Variants in WDR33 observed in about 807,000 individuals in gnomAD.
WDR33 encodes the protein pre-mRNA 3' end processing protein WDR33.
A neutral mutation model predicts 164.9 loss-of-function variants in WDR33; 47 were observed. The ratio of observed to expected loss-of-function variants is 0.29; its 90% CI spans 0.23 to 0.36. The LOEUF is 0.36. Ranked by LOEUF, WDR33 falls within the 10% of genes least tolerant of loss-of-function variation. The probability of loss-of-function intolerance (pLI) is 1.00; values close to 1 mark genes in which losing one functional copy is unlikely to be tolerated. For missense variants in WDR33, 1,137 were observed against 1,754.1 expected, an observed-to-expected ratio of 0.65 and a Z score of 6.28; for synonymous variants, 505 against 589.0, an observed-to-expected ratio of 0.86 and a Z score of 2.06.
At position 127,768,917 on chromosome 2, in the gene WDR33, C is replaced by T; in HGVS notation, c.273+16G>A. On this transcript the variant is annotated intron_variant, in intron 3 of 21. Transcript: ENST00000322313. ...GGAAGTGTTTATTAAGCTAGTATGA[C>T]ACATCATGTACTTACATCATTGTAA... 3 of 1,586,860 alleles carry T rather than the reference C, an allele frequency of 1.9e-6. No individual in the cohort carries two copies. Among genetic ancestry groups the T allele is most frequent in the Non-Finnish European group, 2.6e-6 (3 of 1,163,484 alleles).
chr2:127,767,247 C>T (rs1036033448), intron 4 of WDR33, among the ~76,000 whole-genome samples: 10 of 152,132 alleles, frequency 6.6e-5, no homozygotes, highest in African/African-American at 2.4e-4. Context: ...TTCTCGGTCT[C>T]ATTTTTTTTC....
rs923538544 is a variant in WDR33, at chr2:127,735,045, G to A, written c.725-8268C>T. On this transcript the variant is annotated intron_variant, in intron 7 of 21. Transcript: ENST00000322313. The surrounding 1 kb of genome is among the most constrained non-coding windows in gnomAD (Gnocchi z 4.3). The stretch of plus-strand genomic sequence containing the variant: ...TAAATGGATTAGGTATTAGATATTT[G>A]GTGAACAGACATTCTAGACTTGCTT... Among the ~76,000 whole-genome samples, 4 of 152,152 alleles carry A rather than the reference G, an allele frequency of 2.6e-5. No individual in the cohort carries two copies. Among genetic ancestry groups the A allele is most frequent in the Non-Finnish European group, 5.9e-5 (4 of 68,022 alleles).
At position 127,724,813 on chromosome 2, in the gene WDR33, A is replaced by G. The variant is rs1208936017; in HGVS notation, c.1085+74T>C. ...TATATGAACACTTAGAAAAGCTACA[A>G]AACTATCATGTCTGCACACATTCAC... On this transcript the variant is annotated intron_variant, in intron 10 of 21. Transcript: ENST00000322313. This position sits in a 1 kb window ranked among gnomAD's most constrained non-coding sequence, Gnocchi z 4.8. The G allele has an allele frequency of 3.9e-6, 6 of 1,519,488 alleles. No homozygotes were observed. The highest frequency in any genetic ancestry group is 4.5e-5 in the East Asian group (2 of 44,436). The allele number at this position is 1,519,488 out of a possible 1,614,324, so 94.1% of individuals were successfully genotyped here. A position where few individuals can be genotyped will look rare whatever the true frequency, so the allele number is the denominator to read the frequency against.
chr2:127,792,827 TAGG>T (rs1193983978), intron 1 of WDR33, among the ~76,000 whole-genome samples: 2 of 152,160 alleles, frequency 1.3e-5, no homozygotes, highest in African/African-American at 4.8e-5. Context: ...TCTGTTATCT[TAGG>T]AGAAAATATA....
intron 7 of WDR33, among the ~76,000 whole-genome samples, chr2:127,730,240 A>G (rs1405698181): frequency 6.6e-6 from 1 of 152,258 alleles, no homozygotes; most frequent in Non-Finnish European, 1.5e-5. Flanking sequence ...ATATATCATT[A>G]AAAGAATGTT....
At chr2:127,788,240 A>G (rs1272412087) in intron 1 of WDR33, among the ~76,000 whole-genome samples, 6,658 of 39,084 alleles carry the variant, frequency 0.17, no homozygotes, top group East Asian at 0.23. Flanking sequence ...CTGGCCAGGC[A>G]GGGGGCTGAC....
intron 7 of WDR33, among the ~76,000 whole-genome samples, chr2:127,756,847 C>G (rs1687535461): frequency 6.6e-6 from 1 of 152,022 alleles, no homozygotes; most frequent in African/African-American, 2.4e-5. Context: ...TTTGGGAGGC[C>G]AAGTTGGGCA....
rs112896201 is a variant in WDR33 at position 127,724,512 on chromosome 2, A to T, written c.1086-69T>A. The T allele has an allele frequency of 7.3e-7, 1 of 1,364,448 alleles. No homozygotes were observed. The highest frequency in any genetic ancestry group is 1.4e-5 in the African/African-American group (1 of 69,264). 84.5% of individuals were successfully genotyped at this position (1,364,448 alleles called of 1,614,324 possible). A position where few individuals can be genotyped will look rare whatever the true frequency, so the allele number is the denominator to read the frequency against. On this transcript the variant is annotated intron_variant, in intron 10 of 21. Coordinates refer to ENST00000322313, the MANE Select transcript of WDR33 (RefSeq NM_018383.5). The surrounding 1 kb of genome is among the most constrained non-coding windows in gnomAD (Gnocchi z 4.8). ...CCAGCTTCTCCCTCCCCCTCAAAAA[A>T]GACATTTTCTGTTACTCTTAAAATG...
chr2:127,772,479 T>G (rs1045818868), intron 1 of WDR33, among the ~76,000 whole-genome samples: 23 of 152,142 alleles, frequency 1.5e-4, no homozygotes, highest in Non-Finnish European at 3.1e-4. Flanking sequence ...TAAAACTAAT[T>G]ATTTTCATGT....
chr2:127,789,661 C>T (rs923824325), intron 1 of WDR33, among the ~76,000 whole-genome samples: 1 of 151,800 alleles, frequency 6.6e-6, no homozygotes, highest in Non-Finnish European at 1.5e-5. Flanking sequence ...GCTTCGGCTC[C>T]GCATCTTCCT....
Position 127,723,578 on chromosome 2 carries a change from G to A in WDR33, c.1197-231C>T, listed in dbSNP as rs991729891. Among the ~76,000 whole-genome samples the A allele has an allele frequency of 4.0e-4, 60 of 151,374 alleles. No individual in the cohort carries two copies. Among genetic ancestry groups the A allele is most frequent in the African/African-American group, 1.4e-3 (57 of 41,144 alleles). ...CCAAGACCAGCCTGGGCAACATAGC[G>A]AAACCCTGTCTCTACAAAATAAAAA... On this transcript the variant is annotated intron_variant, in intron 11 of 21. Transcript: ENST00000322313. The surrounding 1 kb of genome is among the most constrained non-coding windows in gnomAD (Gnocchi z 5.9).
At chr2:127,783,014 C>T (rs1023284327) in intron 1 of WDR33, among the ~76,000 whole-genome samples, 3 of 151,904 alleles carry the variant, frequency 2.0e-5, no homozygotes, top group African/African-American at 7.3e-5. Flanking sequence ...GTCTCAAAAA[C>T]TAATAATAAT....
intron 4 of WDR33, 108 bp from the exon 5 acceptor site, chr2:127,765,377 C>T: frequency 1.3e-6 from 1 of 755,230 alleles, no homozygotes; most frequent in East Asian, 2.7e-5. Flanking sequence ...AATAATGATA[C>T]TGACTTTCAC....
Position 127,719,758 on chromosome 2 carries a change from T to G in WDR33, c.2267A>C (p.His756Pro), listed in dbSNP as rs1411476645. ...AGACCCTGGTCCGCCTTGGATCCCA[T>G]GAGGATGAGGAGGCCCTTGCATTCC... ...PRGMQGPPHP[H>P]GIQGGPGSQG... Residue 756 changes from histidine (H) to proline (P), a missense_variant, in exon 16 of 22, where the codon CAT (histidine) becomes CCT (proline). His to Pro is a moderately conservative substitution (Grantham distance 77). Coordinates refer to ENST00000322313, the MANE Select transcript of WDR33 (RefSeq NM_018383.5). This position sits in a 1 kb window ranked among gnomAD's most constrained non-coding sequence, Gnocchi z 6.5. The G allele has an allele frequency of 6.2e-7, 1 of 1,613,888 alleles. No homozygotes were observed. The highest frequency in any genetic ancestry group is 8.5e-7 in the Non-Finnish European group (1 of 1,179,994).
intron 4 of WDR33, among the ~76,000 whole-genome samples, chr2:127,767,467 A>G (rs561987664): frequency 5.3e-5 from 8 of 152,240 alleles, no homozygotes; most frequent in African/African-American, 1.9e-4. Context: ...TAATCCCAGC[A>G]CTTTGGGAGG....
Position 127,763,661 on chromosome 2 carries a change from T to C in WDR33, c.627-502A>G. 1.0e-6 allele frequency: 1 copy of C among 986,200 alleles called. No homozygotes were observed. Among genetic ancestry groups the C allele is most frequent in the Non-Finnish European group, 1.2e-6 (1 of 830,482 alleles). The allele number at this position is 986,200 out of a possible 1,614,324, so 61.1% of individuals were successfully genotyped here. A position where few individuals can be genotyped will look rare whatever the true frequency, so the allele number is the denominator to read the frequency against. ...CCCTACATACAATGTTTCTCATCCA[T>C]TTCAAAGGTCTGTAGAAAAGTTTCA... is the stretch of plus-strand genomic sequence containing the variant. On this transcript the variant is annotated intron_variant, in intron 6 of 21. Transcript: ENST00000322313. The surrounding 1 kb of genome is among the most constrained non-coding windows in gnomAD (Gnocchi z 4.5).
At chr2:127,781,091 T>C (rs929450211) in intron 1 of WDR33, among the ~76,000 whole-genome samples, 1 of 152,148 alleles carries the variant, frequency 6.6e-6, no homozygotes, top group African/African-American at 2.4e-5. Context: ...CTCAAACTCC[T>C]GACCTCAAGT....
intron 1 of WDR33, among the ~76,000 whole-genome samples, chr2:127,803,386 C>A (rs1689319756): frequency 6.6e-6 from 1 of 152,050 alleles, no homozygotes. Flanking sequence ...TCGAGACCAG[C>A]CTGGCCAATA....
intron 1 of WDR33, among the ~76,000 whole-genome samples, chr2:127,791,172 C>T (rs901723460): frequency 8.4e-6 from 1 of 119,046 alleles, no homozygotes; most frequent in Non-Finnish European, 1.8e-5. Context: ...CCACCCCCCC[C>T]CCCAGCAACT....
Sources: allele counts gnomAD v4.1 joint callset (sites outside exome capture counted in the v4.1 genomes callset), GRCh38; gene constraint gnomAD v4.1.1; non-coding constraint Gnocchi (gnomAD v3.1); transcripts MANE v1.5; gene names NCBI Gene and HGNC (gene_info 2026-07-23, HGNC 2026-07-21).